The following SLC22A25 variants were observed in gnomAD, a reference collection of about 807,000 sequenced individuals.
The protein encoded by SLC22A25 is MGI:2442751, MGI:2385316, MGI:3042283, MGI:3645714, MGI:3605624, MGI:2442750.
Under a neutral mutation model 45.9 loss-of-function variants are expected in SLC22A25, and 44 were observed. The ratio of observed to expected loss-of-function variants is 0.96; its 90% CI spans 0.75 to 1.23. The LOEUF (loss-of-function observed/expected upper bound fraction) is 1.23, where lower values mean the gene tolerates loss of function less well. Ranked by LOEUF, SLC22A25 falls within the 50% of genes most tolerant of loss-of-function variation. The pLI is 0.00. For missense variants in SLC22A25, 800 were observed against 666.4 expected (o/e 1.20, Z -2.21); for synonymous variants, 283 against 238.6 (o/e 1.19, Z -1.72).
intron 7 of SLC22A25, among the ~76,000 whole-genome samples, 175 bp from the exon 8 acceptor site, chr11:63,183,992 T>A (rs1469744775): frequency 6.6e-6 from 1 of 152,124 alleles, no homozygotes; most frequent in Non-Finnish European, 1.5e-5. Flanking sequence ...TAAGGGTGAC[T>A]CTCTGTGCAG....
At chr11:63,218,117 T>C (rs753631509) in intron 5 of SLC22A25, 1 of 465,064 alleles carries the variant, frequency 2.2e-6, no homozygotes, top group Non-Finnish European at 4.3e-6. Context: ...AGCAAAGGCA[T>C]GGAATAACCT....
At chr11:63,224,739 A>G (rs1287034223) in intron 5 of SLC22A25, among the ~76,000 whole-genome samples, 1 of 152,166 alleles carries the variant, frequency 6.6e-6, no homozygotes. Context: ...TGCATACTTT[A>G]CCTCGATCTC....
In SLC22A25 at chr11:63,168,415, C is replaced by T. The variant is rs114876774; in HGVS notation, c.1071-2157G>A. Among the ~76,000 whole-genome samples the T allele has an allele frequency of 7.7e-3, 1,170 of 152,148 alleles. 18 individuals are homozygous for T. Among genetic ancestry groups the T allele is most frequent in the African/African-American group, 0.026 (1,063 of 41,498 alleles). ...TAACCCAATGCAAGGAAGTTAAGAA[C>T]CTTAATAGAAGGTTGCAGGAACTGC... is the stretch of plus-strand genomic sequence containing the variant. On this transcript the variant is annotated intron_variant, in intron 9 of 11. Coordinates refer to ENST00000306494, the MANE Select transcript of SLC22A25 (RefSeq NM_199352.6).
intron 7 of SLC22A25, among the ~76,000 whole-genome samples, chr11:63,196,269 C>A (rs1411272962): frequency 6.6e-6 from 1 of 152,128 alleles, no homozygotes; most frequent in East Asian, 1.9e-4. Flanking sequence ...CAGCATAATC[C>A]TGATACCAAA....
chr11:63,226,311 G>A (rs1253225265), intron 5 of SLC22A25, among the ~76,000 whole-genome samples: 1 of 152,126 alleles, frequency 6.6e-6, no homozygotes, highest in African/African-American at 2.4e-5. Context: ...GTATTCAAAG[G>A]GGCTTGAGTG....
intron 9 of SLC22A25, among the ~76,000 whole-genome samples, chr11:63,174,166 C>T (rs1217582870): frequency 6.6e-6 from 1 of 152,138 alleles, no homozygotes; most frequent in Non-Finnish European, 1.5e-5. Context: ...GTTTTCTGAT[C>T]TTGTGAGTTT....
At chr11:63,170,040 C>A (rs1338683593) in intron 9 of SLC22A25, among the ~76,000 whole-genome samples, 1 of 152,128 alleles carries the variant, frequency 6.6e-6, no homozygotes, top group African/African-American at 2.4e-5. Context: ...TACGTGGAAA[C>A]TGAACAACCT....
chr11:63,167,351 G>A (rs1208194102), intron 9 of SLC22A25: 1 of 152,218 alleles, frequency 6.6e-6, no homozygotes, highest in Non-Finnish European at 1.5e-5. Context: ...GCTGATGCCA[G>A]AAAGCCAAGT....
chr11:63,177,325 C>A (rs1045999425), intron 9 of SLC22A25, among the ~76,000 whole-genome samples: 1 of 149,838 alleles, frequency 6.7e-6, no homozygotes, highest in African/African-American at 2.5e-5. Flanking sequence ...ATTGGGATAT[C>A]CATTATCTCA....
chr11:63,197,106 G>C (rs1291863791), intron 7 of SLC22A25, among the ~76,000 whole-genome samples: 1 of 152,086 alleles, frequency 6.6e-6, no homozygotes, highest in Non-Finnish European at 1.5e-5. Flanking sequence ...AAATAAAAGA[G>C]GACACAAACA....
At chr11:63,228,643 C>T in intron 4 of SLC22A25, 79 bp from the exon 5 acceptor site, 2 of 1,051,422 alleles carry the variant, frequency 1.9e-6, no homozygotes, top group Non-Finnish European at 2.8e-6. Context: ...AAATAGCCTG[C>T]AAGTTTCATT....
At chr11:63,212,568 C>CA (rs2089600121) in intron 7 of SLC22A25, among the ~76,000 whole-genome samples, 2 of 147,016 alleles carry the variant, frequency 1.4e-5, no homozygotes, top group African/African-American at 5.0e-5. Context: ...ATCACAAGGA[C>CA]AAAAAACCAA....
chr11:63,212,836 G>A (rs2089611758), intron 7 of SLC22A25, among the ~76,000 whole-genome samples: 1 of 151,684 alleles, frequency 6.6e-6, no homozygotes, highest in Non-Finnish European at 1.5e-5. Context: ...TTTTTGAGGC[G>A]GCCTTGGCCA....
At chr11:63,199,797 G>A (rs2089180344) in intron 7 of SLC22A25, among the ~76,000 whole-genome samples, 1 of 148,770 alleles carries the variant, frequency 6.7e-6, no homozygotes, top group African/African-American at 2.5e-5. Context: ...AAATCAATAG[G>A]CGACGTCCGA....
rs1024891548 is a variant in SLC22A25 at position 63,158,643 on chromosome 11, A to G, written c.*5181T>C. Reference sequence around the variant, plus strand: ...TAGTTATTTTAAAATGTACAATTAAATTATTTTGACTACAGCACCCTGTTG... The same window carrying G: ...TAGTTATTTTAAAATGTACAATTAAGTTATTTTGACTACAGCACCCTGTTG... On this transcript the variant is annotated 3_prime_UTR_variant, in exon 12 of 12. Transcript: ENST00000306494. 3.3e-5 allele frequency among the ~76,000 whole-genome samples: 5 copies of G among 152,166 alleles called. No homozygotes were observed. The highest frequency in any genetic ancestry group is 1.2e-4 in the African/African-American group (5 of 41,444).
intron 7 of SLC22A25, among the ~76,000 whole-genome samples, chr11:63,195,272 A>C (rs527984164): frequency 1.3e-5 from 2 of 152,148 alleles, no homozygotes; most frequent in Admixed American, 1.3e-4. Context: ...CATCTACAGA[A>C]CTCTCCACCC....
At position 63,160,938 on chromosome 11, in the gene SLC22A25, C is replaced by CA. The variant is rs2134700116; in HGVS notation, c.*2885dup. ...TATGGAGAACAGTTTGGAGGTTCCT[C>CA]AAAAAAATTAAAAGTAAAGCTAACA... On this transcript the variant is annotated 3_prime_UTR_variant, in exon 12 of 12. Coordinates refer to ENST00000306494, the MANE Select transcript of SLC22A25 (RefSeq NM_199352.6). Among the ~76,000 whole-genome samples the CA allele has an allele frequency of 6.6e-6, 1 of 152,210 alleles. No homozygotes were observed. Among genetic ancestry groups the CA allele is most frequent in the East Asian group, 1.9e-4 (1 of 5,172 alleles).
Position 63,240,599 on chromosome 11 carries a change from G to T in SLC22A25, c.-995-1464C>A, listed in dbSNP as rs188809185. On this transcript the variant is annotated intron_variant, in intron 1 of 11. Transcript: ENST00000306494. Reference sequence around the variant, plus strand: ...TAAAATATAAACATGTTGCACAGCTGTACAAGAATTTTTTTATATCCTTGT... The same window carrying T: ...TAAAATATAAACATGTTGCACAGCTTTACAAGAATTTTTTTATATCCTTGT... Among the ~76,000 whole-genome samples, 179 of 152,052 alleles carry T rather than the reference G, an allele frequency of 1.2e-3. 1 individual carries two copies. The highest frequency in any genetic ancestry group is 3.4e-3 in the Middle Eastern group (1 of 294).
At chr11:63,191,970 G>A (rs1189005620) in intron 7 of SLC22A25, among the ~76,000 whole-genome samples, 1 of 149,974 alleles carries the variant, frequency 6.7e-6, no homozygotes, top group Admixed American at 6.6e-5. Flanking sequence ...GGAAATGCAG[G>A]AAATGCACAG....
Sources: gnomAD v4.1 joint callset for allele counts (sites outside exome capture counted in the v4.1 genomes callset) on GRCh38, gnomAD v4.1.1 for gene constraint, MANE v1.5 for transcripts, NCBI Gene and HGNC (gene_info 2026-07-23, HGNC 2026-07-21) for gene names.